Variants in ZNF729 observed in about 807,000 individuals in gnomAD.
ZNF729 encodes zinc finger protein 729.
A neutral mutation model predicts 12.2 loss-of-function variants in ZNF729; 15 were observed. That is an observed-to-expected ratio of 1.23 (90% CI 0.82 to 1.89). The LOEUF is 1.89. Ranked by LOEUF, ZNF729 falls within the 40% of genes most tolerant of loss-of-function variation. ZNF729 has a pLI of 0.00. For synonymous variants in ZNF729, 492 were observed against 476.3 expected, an observed-to-expected ratio of 1.03 and a Z score of -0.43; for missense variants, 1,540 against 1,456.7, an observed-to-expected ratio of 1.06 and a Z score of -0.93.
intron 1 of ZNF729, among the ~76,000 whole-genome samples, chr19:22,290,294 A>G (rs1273505855): frequency 6.6e-6 from 1 of 152,208 alleles, no homozygotes; most frequent in East Asian, 1.9e-4. Context: ...TAAGGTTAAG[A>G]TGAAAGGGGA....
Position 22,317,101 on chromosome 19 carries a change from TCA to T in ZNF729, c.3688_3689del (p.Thr1230LeufsTer16), listed in dbSNP as rs755147879. 5.6e-6 allele frequency: 9 copies of T among 1,598,282 alleles called. No individual in the cohort carries two copies. Among genetic ancestry groups the T allele is most frequent in the Non-Finnish European group, 7.7e-6 (9 of 1,173,776 alleles). On this transcript the variant is annotated frameshift_variant, in exon 4 of 4. Transcript: ENST00000601693. LOFTEE classifies it high-confidence loss of function. The part of the protein sequence containing the change: ...KKVPKLLSNP[H>X]TLLDKTIHTG... ...AAGTACCAAAGCTTTTAAGCAATCC[TCA>T]CACCTTACTAGACAAAACAATTCAT...
chr19:22,301,398 T>C (rs1450555861), intron 1 of ZNF729, among the ~76,000 whole-genome samples: 1 of 151,314 alleles, frequency 6.6e-6, no homozygotes, highest in Non-Finnish European at 1.5e-5. Flanking sequence ...GTAGACATAT[T>C]TAGAATGTGC....
chr19:22,295,296 T>C (rs763555021), intron 1 of ZNF729, among the ~76,000 whole-genome samples: 18 of 151,830 alleles, frequency 1.2e-4, no homozygotes, highest in South Asian at 4.2e-4. Context: ...CCTGTTTGAA[T>C]GCCTTTCATT....
At chr19:22,291,702 C>T (rs1029198922) in intron 1 of ZNF729, among the ~76,000 whole-genome samples, 1 of 152,122 alleles carries the variant, frequency 6.6e-6, no homozygotes, top group Non-Finnish European at 1.5e-5. Context: ...CTGCATTGCC[C>T]TCTCCCCAAC....
At chr19:22,298,005 C>CAAAAAAAAAAAAA (rs34435303) in intron 1 of ZNF729, among the ~76,000 whole-genome samples, 2 of 68,134 alleles carry the variant, frequency 2.9e-5, no homozygotes, top group Admixed American at 2.0e-4. Context: ...AACTCCATCT[C>CAAAAAAAAAAAAA]AAAAAAAAAA....
At chr19:22,307,800 GTTTTT>G in intron 3 of ZNF729, among the ~76,000 whole-genome samples, 1,179 of 53,288 alleles carry the variant, frequency 0.022, 8 homozygotes, top group African/African-American at 0.071. Flanking sequence ...AAAGCTCTGT[GTTTTT>G]TTTTTTTTTT....
intron 1 of ZNF729, chr19:22,298,891 G>C (rs1171901176): frequency 6.6e-6 from 1 of 152,130 alleles, no homozygotes; most frequent in Non-Finnish European, 1.5e-5. Flanking sequence ...TGTGGCCACC[G>C]CAAAACCATA....
In ZNF729 at chr19:22,305,531, A is replaced by T. The variant is rs571145578; in HGVS notation, c.253+748A>T. On this transcript the variant is annotated intron_variant, in intron 3 of 3. Coordinates refer to ENST00000601693, the MANE Select transcript of ZNF729 (RefSeq NM_001242680.2). ...GTTATACCTACCTGTACATATAAAT[A>T]TAATAATTATAGATTCCTGGTAAAT... is the stretch of plus-strand genomic sequence containing the variant. Among the ~76,000 whole-genome samples, 3 of 152,150 alleles carry T rather than the reference A, an allele frequency of 2.0e-5. No homozygotes were observed. The South Asian group carries it at 6.2e-4, about 32-fold the overall frequency.
Position 22,314,402 on chromosome 19 carries a change from T to A in ZNF729, c.985T>A (p.Phe329Ile). The part of the protein sequence containing the change: ...PYKCEDCGKT[F>I]NHFSALRKHK... ...CAAATGTGAAGATTGTGGCAAAACT[T>A]TTAACCATTTCTCAGCCCTTAGAAA... The change falls in exon 4 of 4, where the codon TTT (phenylalanine) becomes ATT (isoleucine). Residue 329 changes from phenylalanine (F) to isoleucine (I), a missense_variant. Transcript: ENST00000601693. The A allele has an allele frequency of 6.3e-7, 1 of 1,591,566 alleles. No homozygotes were observed. Among genetic ancestry groups the A allele is most frequent in the Non-Finnish European group, 8.6e-7 (1 of 1,166,390 alleles).
At chr19:22,300,489 A>G (rs1968290300) in intron 1 of ZNF729, among the ~76,000 whole-genome samples, 1 of 152,228 alleles carries the variant, frequency 6.6e-6, no homozygotes, top group African/African-American at 2.4e-5. Context: ...ATATATAAAT[A>G]TAAGGTGCCA....
chr19:22,287,525 C>T (rs1427901414), intron 1 of ZNF729, among the ~76,000 whole-genome samples: 1 of 152,044 alleles, frequency 6.6e-6, no homozygotes, highest in African/African-American at 2.4e-5. Context: ...CCTCGGCCTC[C>T]TAAAGTGCTG....
rs186174642 is a variant in ZNF729 at position 22,316,013 on chromosome 19, T to A, written c.2596T>A (p.Ser866Thr). 4,202 of 1,599,444 alleles carry A rather than the reference T, an allele frequency of 2.6e-3. 12 individuals carry two copies. Among genetic ancestry groups the A allele is most frequent in the Middle Eastern group, 5.4e-3 (32 of 5,972 alleles). The change falls in exon 4 of 4, where the codon TCC becomes ACC. Residue 866 changes from serine (S) to threonine (T), a missense_variant. Coordinates refer to ENST00000601693, the MANE Select transcript of ZNF729 (RefSeq NM_001242680.2). ...ECGKAFSQSS[S>T]LRKHEIIHSG... The stretch of plus-strand genomic sequence containing the variant: ...TGGCAAAGCTTTTAGCCAATCCTCA[T>A]CCCTTAGAAAACATGAGATAATTCA...
chr19:22,307,793 G>A lies in ZNF729; in HGVS notation c.253+3010G>A, dbSNP rs1228026314. Among the ~76,000 whole-genome samples, 44 of 123,452 alleles carry A rather than the reference G, an allele frequency of 3.6e-4. 1 individual carries two copies. The highest frequency in any genetic ancestry group is 1.1e-3 in the African/African-American group (34 of 31,126). 81.0% of individuals were successfully genotyped at this position (123,452 alleles called of 152,430 possible). A position where few individuals can be genotyped will look rare whatever the true frequency, so the allele number is the denominator to read the frequency against. Reference sequence around the variant, plus strand: ...CTTTTATTACATCAAAATTTGGAAAGCTCTGTGTTTTTTTTTTTTTTTTTT... The same window carrying A: ...CTTTTATTACATCAAAATTTGGAAAACTCTGTGTTTTTTTTTTTTTTTTTT... On this transcript the variant is annotated intron_variant, in intron 3 of 3. Coordinates refer to ENST00000601693, the MANE Select transcript of ZNF729 (RefSeq NM_001242680.2).
At chr19:22,309,843 G>A (rs1001571615) in intron 3 of ZNF729, among the ~76,000 whole-genome samples, 3 of 152,008 alleles carry the variant, frequency 2.0e-5, no homozygotes, top group African/African-American at 7.2e-5. Context: ...CGATGAGCAT[G>A]GGCTGTGTTT....
intron 1 of ZNF729, among the ~76,000 whole-genome samples, chr19:22,303,452 A>G (rs1292878157): frequency 2.6e-5 from 4 of 152,234 alleles, no homozygotes; most frequent in Non-Finnish European, 5.9e-5. Context: ...CTTATTCTGT[A>G]TGATGTAAAT....
At chr19:22,305,870 G>C (rs751682606) in intron 3 of ZNF729, among the ~76,000 whole-genome samples, 4 of 152,018 alleles carry the variant, frequency 2.6e-5, no homozygotes, top group Admixed American at 6.6e-5. Context: ...GTGTGATCAT[G>C]GCAGTGAGCT....
chr19:22,288,066 G>A (rs1284233748), intron 1 of ZNF729, among the ~76,000 whole-genome samples: 1 of 151,892 alleles, frequency 6.6e-6, no homozygotes, highest in South Asian at 2.1e-4. Flanking sequence ...GGCTGGTCTC[G>A]AACTCCTGAC....
intron 1 of ZNF729, among the ~76,000 whole-genome samples, chr19:22,292,246 C>A (rs115960950): frequency 6.6e-6 from 1 of 152,028 alleles, no homozygotes; most frequent in African/African-American, 2.4e-5. Context: ...CTCTTTGTGT[C>A]CATGTGTTAT....
Position 22,314,310 on chromosome 19 carries a change from G to A in ZNF729, c.893G>A (p.Gly298Asp), listed in dbSNP as rs763110611. The part of the protein sequence containing the change: ...GEKTYKCEEC[G>D]KAFKGSSNFN... The stretch of plus-strand genomic sequence containing the variant: ...AAAACCTACAAATGTGAAGAATGTG[G>A]CAAAGCTTTTAAGGGGTCCTCAAAT... Residue 298 changes from glycine (G) to aspartate (D), a missense_variant, in exon 4 of 4, where the codon GGC becomes GAC. Gly to Asp is a moderately conservative substitution (Grantham distance 94, BLOSUM62 -1). Transcript: ENST00000601693. 3 of 1,610,360 alleles carry A rather than the reference G, an allele frequency of 1.9e-6. No homozygotes were observed. The highest frequency in any genetic ancestry group is 2.5e-6 in the Non-Finnish European group (3 of 1,179,176).
Sources: allele counts gnomAD v4.1 joint callset (sites outside exome capture counted in the v4.1 genomes callset), GRCh38; gene constraint gnomAD v4.1.1; transcripts MANE v1.5; gene names NCBI Gene and HGNC (gene_info 2026-07-23, HGNC 2026-07-21).